Variants in ALK observed in about 807,000 individuals in gnomAD.
The protein encoded by ALK is ALK receptor tyrosine kinase, also known as ALK tyrosine kinase receptor.
Under a neutral mutation model 163.1 loss-of-function variants are expected in ALK, and 74 were observed. That is an observed-to-expected ratio of 0.45 (90% CI 0.38 to 0.55). The LOEUF is 0.55. Among genes scored for constraint, ALK ranks in the 20% least tolerant of loss-of-function variants. The pLI is 0.00. For synonymous variants in ALK, 960 were observed against 843.2 expected, an observed-to-expected ratio of 1.14 and a Z score of -2.40; for missense variants, 2,063 against 2,105.3, an observed-to-expected ratio of 0.98 and a Z score of 0.39.
At chr2:29,470,117 C>T (rs1390321768) in intron 4 of ALK, among the ~76,000 whole-genome samples, 1 of 151,920 alleles carries the variant, frequency 6.6e-6, no homozygotes, top group East Asian at 1.9e-4. Context: ...ATGAGTTTAA[C>T]AGTAGATTAG....
intron 1 of ALK, among the ~76,000 whole-genome samples, chr2:29,734,256 T>A (rs1329786263): frequency 2.0e-5 from 3 of 152,128 alleles, no homozygotes; most frequent in Non-Finnish European, 4.4e-5. Context: ...CAAGAAAAGG[T>A]GCTGCAGACC....
chr2:29,466,581 G>T (rs1469378920), intron 4 of ALK, among the ~76,000 whole-genome samples: 1 of 152,214 alleles, frequency 6.6e-6, no homozygotes, highest in Admixed American at 6.5e-5. Context: ...AATTTTAAGA[G>T]GCTAGGAACC....
At chr2:29,743,774 G>C (rs1362627334) in intron 1 of ALK, among the ~76,000 whole-genome samples, 1 of 152,162 alleles carries the variant, frequency 6.6e-6, no homozygotes, top group African/African-American at 2.4e-5. Context: ...TAAGAGAACT[G>C]CAGGTGTTAA....
intron 4 of ALK, among the ~76,000 whole-genome samples, chr2:29,398,924 A>C (rs2148313635): frequency 6.6e-6 from 1 of 152,074 alleles, no homozygotes; most frequent in South Asian, 2.1e-4. Flanking sequence ...GTTAATGGAC[A>C]CTCAGGCTCT....
At chr2:29,216,319 T>C (rs1180043699) in intron 23 of ALK, among the ~76,000 whole-genome samples, 3 of 152,116 alleles carry the variant, frequency 2.0e-5, no homozygotes, top group Non-Finnish European at 1.5e-5. Context: ...TCTCTGTCCC[T>C]ACCAGAGGAG....
intron 4 of ALK, among the ~76,000 whole-genome samples, chr2:29,427,037 C>CAAAAAAAA (rs70958261): frequency 5.0e-5 from 2 of 40,130 alleles, no homozygotes; most frequent in African/African-American, 1.2e-4. Context: ...GACTCCGTCT[C>CAAAAAAAA]AAAAAAAAAA....
At chr2:29,274,728 C>G (rs937354760) in intron 11 of ALK, among the ~76,000 whole-genome samples, 1 of 152,218 alleles carries the variant, frequency 6.6e-6, no homozygotes, top group East Asian at 1.9e-4. Context: ...CTTGGCCAGG[C>G]CCAGCCCTCT....
chr2:29,686,069 A>G (rs1236420975), intron 3 of ALK, among the ~76,000 whole-genome samples: 2 of 152,162 alleles, frequency 1.3e-5, no homozygotes, highest in Non-Finnish European at 2.9e-5. Flanking sequence ...ATCCAAGACA[A>G]TCTCATCTGC....
intron 3 of ALK, among the ~76,000 whole-genome samples, chr2:29,671,005 G>A (rs1182067989): frequency 1.3e-5 from 2 of 152,014 alleles, no homozygotes; most frequent in African/African-American, 4.8e-5. Flanking sequence ...GTCAGTCACT[G>A]TATTGTTGCT....
intron 1 of ALK, among the ~76,000 whole-genome samples, chr2:29,811,155 C>T (rs1309660561): frequency 1.3e-5 from 2 of 152,108 alleles, no homozygotes; most frequent in Non-Finnish European, 2.9e-5. Context: ...AGATAAGGAG[C>T]TTTCATACAG....
chr2:29,894,161 T>C lies in ALK; in HGVS notation c.667+25832A>G, dbSNP rs570636420. The stretch of plus-strand genomic sequence containing the variant: ...TCAAGAAACCCAGAGAGAACTTGGC[T>C]GTCCTCATCTGCAAACTCTGAGGGC... On this transcript the variant is annotated intron_variant, in intron 1 of 28. Transcript: ENST00000389048. Among the ~76,000 whole-genome samples, 8 of 152,324 alleles carry C rather than the reference T, an allele frequency of 5.3e-5. No homozygotes were observed. The South Asian group carries it at 1.2e-3, about 24-fold the overall frequency.
At position 29,192,814 on chromosome 2, in the gene ALK, C is replaced by A; in HGVS notation, c.*410G>T. 3.3e-6 allele frequency: 1 copy of A among 307,354 alleles called. No homozygotes were observed. The highest frequency in any genetic ancestry group is 6.0e-5 in the South Asian group (1 of 16,562). 19.0% of individuals were successfully genotyped at this position (307,354 alleles called of 1,614,324 possible). ...AACTCCTTTATTTCCGTTCCCTCTC[C>A]CCTCAAATGGCTCATGTCCACATCA... On this transcript the variant is annotated 3_prime_UTR_variant, in exon 29 of 29. Coordinates refer to ENST00000389048, the MANE Select transcript of ALK (RefSeq NM_004304.5).
At position 29,193,746 on chromosome 2, in the gene ALK, G is replaced by T. The variant is rs1256417576; in HGVS notation, c.4341C>A (p.Thr1447=). The T allele has an allele frequency of 6.2e-7, 1 of 1,600,822 alleles. No individual in the cohort carries two copies. Among genetic ancestry groups the T allele is most frequent in the Admixed American group, 1.7e-5 (1 of 58,910 alleles). ...GTTTCTTTGCAGCCTTGCCAGAGGA[G>T]GTGGTAGGCAGAGGTGGTGGGGCAG... ...SPAAPPPLPT[T]SSGKAAKKPT... The change falls in exon 29 of 29, where the codon ACC becomes ACA. Residue 1447 remains threonine, a synonymous_variant. Coordinates refer to ENST00000389048, the MANE Select transcript of ALK (RefSeq NM_004304.5).
At chr2:29,237,184 A>G (rs1186004840) in intron 13 of ALK, among the ~76,000 whole-genome samples, 1 of 151,986 alleles carries the variant, frequency 6.6e-6, no homozygotes, top group Non-Finnish European at 1.5e-5. Flanking sequence ...CATCCCCTCC[A>G]CTGTTACAAT....
chr2:29,768,743 G>GTGTGTGTATATA (rs373708982), intron 1 of ALK, among the ~76,000 whole-genome samples: 105 of 150,676 alleles, frequency 7.0e-4, no homozygotes, highest in African/African-American at 2.5e-3. Context: ...GTGTGTGTGT[G>GTGTGTGTATATA]TATATATGTA....
At chr2:29,564,711 T>C (rs1014591381) in intron 3 of ALK, among the ~76,000 whole-genome samples, 1 of 152,190 alleles carries the variant, frequency 6.6e-6, no homozygotes, top group Non-Finnish European at 1.5e-5. Flanking sequence ...GCGTGAGGAA[T>C]TGCAGGCCTC....
intron 5 of ALK, among the ~76,000 whole-genome samples, chr2:29,363,563 C>A (rs12714275): frequency 6.6e-6 from 1 of 151,854 alleles, no homozygotes; most frequent in Non-Finnish European, 1.5e-5. Flanking sequence ...GATCTGTAGG[C>A]CAGGACTGTA....
chr2:29,520,659 C>T (rs1331355779), intron 4 of ALK, among the ~76,000 whole-genome samples: 1 of 152,066 alleles, frequency 6.6e-6, no homozygotes, highest in Non-Finnish European at 1.5e-5. Flanking sequence ...ACCTATTGTT[C>T]TTGATGGTCG....
intron 11 of ALK, among the ~76,000 whole-genome samples, chr2:29,259,547 C>T (rs1665032287): frequency 1.3e-5 from 2 of 152,072 alleles, no homozygotes; most frequent in Non-Finnish European, 1.5e-5. Context: ...ATATTTTTCC[C>T]TAGAGTATCT....
Sources: gnomAD v4.1 joint callset for allele counts (sites outside exome capture counted in the v4.1 genomes callset) on GRCh38, gnomAD v4.1.1 for gene constraint, MANE v1.5 for transcripts, NCBI Gene and HGNC (gene_info 2026-07-23, HGNC 2026-07-21) for gene names.